The following TOX variants were observed in gnomAD, a reference collection of about 807,000 sequenced individuals.
TOX encodes thymocyte selection-associated high mobility group box protein TOX.
A neutral mutation model predicts 53.7 loss-of-function variants in TOX; 11 were observed. That is an observed-to-expected ratio of 0.20 (90% CI 0.13 to 0.34). The LOEUF (loss-of-function observed/expected upper bound fraction) is 0.34, where lower values mean the gene tolerates loss of function less well. TOX is among the 10% of genes least tolerant of loss of function. The pLI, the probability that TOX is intolerant of heterozygous loss-of-function variation, is 1.00. For missense variants in TOX, 570 were observed against 664.6 expected (o/e 0.86, Z 1.56); for synonymous variants, 225 against 245.3 (o/e 0.92, Z 0.77).
rs1011175241 is a variant in TOX, at chr8:58,815,275, C to A, written c.1392+63G>T. ...CCTGTCCTGGATAAACAGCTCCCCC[C>A]ACCTCCACCACCACACTTCAGAATA... On this transcript the variant is annotated intron_variant, in intron 7 of 8. Coordinates refer to ENST00000361421, the MANE Select transcript of TOX (RefSeq NM_014729.3). 63 of 1,514,950 alleles carry A rather than the reference C, an allele frequency of 4.2e-5. No individual in the cohort carries two copies. In the South Asian group the frequency reaches 8.0e-4, roughly 19 times the overall value. 93.8% of individuals were successfully genotyped at this position (1,514,950 alleles called of 1,614,324 possible).
At chr8:59,087,228 A>T (rs192719817) in intron 1 of TOX, among the ~76,000 whole-genome samples, 1 of 152,306 alleles carries the variant, frequency 6.6e-6, no homozygotes, top group East Asian at 1.9e-4. Flanking sequence ...GAAGCATGGC[A>T]CCCAGGGAGA....
At chr8:59,094,011 T>C (rs1000629328) in intron 1 of TOX, among the ~76,000 whole-genome samples, 10 of 152,190 alleles carry the variant, frequency 6.6e-5, no homozygotes, top group African/African-American at 2.4e-4. Context: ...CTAAGGACTT[T>C]CAATTATTAT....
At chr8:58,886,122 G>A (rs1811463564) in intron 3 of TOX, among the ~76,000 whole-genome samples, 1 of 152,070 alleles carries the variant, frequency 6.6e-6, no homozygotes, top group African/African-American at 2.4e-5. Flanking sequence ...CCTCTGAGAG[G>A]TTTCAGGAGA....
At chr8:59,005,925 T>C (rs1813783252) in intron 1 of TOX, among the ~76,000 whole-genome samples, 1 of 152,222 alleles carries the variant, frequency 6.6e-6, no homozygotes, top group African/African-American at 2.4e-5. Flanking sequence ...TTTTTATTAG[T>C]AGAGCAGCAT....
chr8:59,021,928 A>C (rs1290239754), intron 1 of TOX, among the ~76,000 whole-genome samples: 2 of 152,162 alleles, frequency 1.3e-5, no homozygotes, highest in African/African-American at 4.8e-5. Context: ...AATCACCCAA[A>C]TCATCATTTA....
chr8:58,955,364 A>G (rs1295566182), intron 2 of TOX, among the ~76,000 whole-genome samples: 1 of 147,106 alleles, frequency 6.8e-6, no homozygotes. Context: ...TCACGGAAAG[A>G]AGAAGGAAGA....
intron 1 of TOX, among the ~76,000 whole-genome samples, chr8:59,101,390 T>G (rs1416771046): frequency 6.6e-6 from 1 of 152,246 alleles, no homozygotes; most frequent in Non-Finnish European, 1.5e-5. Flanking sequence ...AAGCCTTCTC[T>G]GTACCAACCC....
At chr8:58,971,755 CT>C (rs1212735543) in intron 1 of TOX, among the ~76,000 whole-genome samples, 2 of 152,080 alleles carry the variant, frequency 1.3e-5, no homozygotes, top group African/African-American at 4.8e-5. Context: ...GCAGCGCGAT[CT>C]CAACTCACGG....
chr8:58,955,974 A>T (rs1203540350), intron 2 of TOX, among the ~76,000 whole-genome samples: 2 of 151,992 alleles, frequency 1.3e-5, no homozygotes, highest in Non-Finnish European at 2.9e-5. Context: ...ACCTCAGGTG[A>T]TCCGCCCACT....
At chr8:59,085,984 T>C (rs12678976) in intron 1 of TOX, among the ~76,000 whole-genome samples, 4,740 of 92,242 alleles carry the variant, frequency 0.051, 79 homozygotes, top group African/African-American at 0.24. Flanking sequence ...CTTTTCTTTT[T>C]TTTTTTTTTT....
chr8:59,015,384 G>A (rs1055464904), intron 1 of TOX, among the ~76,000 whole-genome samples: 1 of 152,188 alleles, frequency 6.6e-6, no homozygotes, highest in African/African-American at 2.4e-5. Context: ...GGGTCGAAAA[G>A]CTAGAGCTGA....
intron 1 of TOX, among the ~76,000 whole-genome samples, chr8:58,991,384 T>A (rs909687655): frequency 2.0e-5 from 3 of 152,230 alleles, no homozygotes; most frequent in Admixed American, 6.5e-5. Flanking sequence ...GTGACAGTAC[T>A]ACCTAAGAAA....
At chr8:58,823,986 G>T (rs2129165553) in intron 6 of TOX, among the ~76,000 whole-genome samples, 1 of 152,340 alleles carries the variant, frequency 6.6e-6, no homozygotes. Flanking sequence ...TAGGAAAATG[G>T]ACGAGGTGCT....
At chr8:58,850,350 G>A (rs1004267824) in intron 4 of TOX, among the ~76,000 whole-genome samples, 3 of 152,192 alleles carry the variant, frequency 2.0e-5, no homozygotes, top group Non-Finnish European at 4.4e-5. Context: ...GAAAGAGGGA[G>A]AAGACAGAGC....
chr8:58,972,701 TACTC>T (rs1322508852), intron 1 of TOX, among the ~76,000 whole-genome samples: 3 of 152,196 alleles, frequency 2.0e-5, no homozygotes, highest in Non-Finnish European at 4.4e-5. Context: ...CTCCATTTAA[TACTC>T]ACATCAAAGA....
intron 3 of TOX, among the ~76,000 whole-genome samples, chr8:58,873,410 T>C (rs1200926142): frequency 1.3e-5 from 2 of 152,114 alleles, no homozygotes; most frequent in African/African-American, 2.4e-5. Flanking sequence ...AAAATTTTCA[T>C]AGACAAAGTT....
intron 1 of TOX, among the ~76,000 whole-genome samples, chr8:59,017,765 A>T (rs1814042914): frequency 6.6e-6 from 1 of 152,196 alleles, no homozygotes; most frequent in Non-Finnish European, 1.5e-5. Context: ...AGGTGTCTAG[A>T]GCTATTTTTC....
chr8:58,859,610 C>T (rs1171510227), intron 3 of TOX, among the ~76,000 whole-genome samples: 1 of 152,166 alleles, frequency 6.6e-6, no homozygotes, highest in Non-Finnish European at 1.5e-5. Flanking sequence ...ATAGTACTCT[C>T]TAGAACCACC....
intron 3 of TOX, among the ~76,000 whole-genome samples, chr8:58,926,839 G>A (rs17232126): frequency 0.053 from 8,035 of 152,100 alleles, 265 homozygotes; most frequent in South Asian, 0.093. Context: ...TACCTGAGGC[G>A]CTAACGCTGT....
Sources: allele counts gnomAD v4.1 joint callset (sites outside exome capture counted in the v4.1 genomes callset), GRCh38; gene constraint gnomAD v4.1.1; transcripts MANE v1.5; gene names NCBI Gene and HGNC (gene_info 2026-07-23, HGNC 2026-07-21).